Variants in ERC1 observed in about 807,000 individuals in gnomAD.
The protein encoded by ERC1 is RAB6 interacting protein 2.
In ERC1, 56 loss-of-function variants were observed where a neutral mutation model predicts 132.0. The observed-to-expected ratio is 0.42, with a 90% CI of 0.34 to 0.53. ERC1 has a LOEUF of 0.53. Among genes scored for constraint, ERC1 ranks in the 20% least tolerant of loss-of-function variants. The pLI is 0.03. For synonymous variants in ERC1, 478 were observed against 476.1 expected, an observed-to-expected ratio of 1.00 and a Z score of -0.05; for missense variants, 1,202 against 1,349.9, an observed-to-expected ratio of 0.89 and a Z score of 1.72.
At chr12:1,062,032 C>G (rs1938078821) in intron 2 of ERC1, among the ~76,000 whole-genome samples, 1 of 145,798 alleles carries the variant, frequency 6.9e-6, no homozygotes, top group Non-Finnish European at 1.5e-5. Flanking sequence ...GCTCTGTCAC[C>G]CAGGCTGGAG....
intron 1 of ERC1, 130 bp from the exon 2 acceptor site, chr12:1,027,618 T>C (rs1278437648): frequency 5.1e-6 from 2 of 389,926 alleles, no homozygotes; most frequent in Non-Finnish European, 9.3e-6. Context: ...TATGCTGTAA[T>C]CACATTCTGA....
Position 996,965 on chromosome 12 carries a change from C to G in ERC1, c.-157+5643C>G, listed in dbSNP as rs568718908. Among the ~76,000 whole-genome samples, 21 of 152,256 alleles carry G rather than the reference C, an allele frequency of 1.4e-4. No individual in the cohort carries two copies. In the East Asian group the frequency reaches 2.7e-3, roughly 20 times the overall value. On this transcript the variant is annotated intron_variant, in intron 1 of 18. Transcript: ENST00000360905. Reference sequence around the variant, plus strand: ...GAAGGGTCTTGGTCTGTTACTCAGTCTGAAATGCGATGGTGCGGTTATAGC... The same window carrying G: ...GAAGGGTCTTGGTCTGTTACTCAGTGTGAAATGCGATGGTGCGGTTATAGC...
chr12:1,400,828 CTACTATT>C (rs2090957347), intron 16 of ERC1, among the ~76,000 whole-genome samples: 1 of 149,956 alleles, frequency 6.7e-6, no homozygotes, highest in South Asian at 2.1e-4. Flanking sequence ...GTAGGTAAAC[CTACTATT>C]TACTGTAGGA....
chr12:1,262,388 A>G (rs2077198144), intron 13 of ERC1, among the ~76,000 whole-genome samples: 1 of 152,180 alleles, frequency 6.6e-6, no homozygotes. Context: ...GTAGAACATC[A>G]GGGCTGGGAA....
intron 2 of ERC1, among the ~76,000 whole-genome samples, chr12:1,053,629 T>G (rs773260633): frequency 4.5e-4 from 69 of 152,194 alleles, no homozygotes; most frequent in African/African-American, 9.6e-5. Flanking sequence ...TTGACACACT[T>G]GTTTATTTTC....
intron 17 of ERC1, among the ~76,000 whole-genome samples, chr12:1,413,756 G>C (rs1457067967): frequency 6.6e-6 from 1 of 152,174 alleles, no homozygotes; most frequent in African/African-American, 2.4e-5. Context: ...TTGAATAAAT[G>C]TCTATATTGT....
intron 16 of ERC1, among the ~76,000 whole-genome samples, chr12:1,397,060 A>C (rs986648152): frequency 6.6e-6 from 1 of 152,200 alleles, no homozygotes; most frequent in African/African-American, 2.4e-5. Flanking sequence ...CTACCTGAAG[A>C]TCACAAAGAA....
chr12:1,226,242 A>T (rs371692994), intron 12 of ERC1, among the ~76,000 whole-genome samples: 7 of 152,336 alleles, frequency 4.6e-5, no homozygotes, highest in African/African-American at 1.7e-4. Context: ...CATCTGTGTC[A>T]TTAATTCATG....
chr12:1,464,721 C>T (rs1398397330), intron 18 of ERC1, among the ~76,000 whole-genome samples: 1 of 151,500 alleles, frequency 6.6e-6, no homozygotes, highest in Non-Finnish European at 1.5e-5. Flanking sequence ...AGGGTTTCAC[C>T]GTGTTAGCCA....
intron 12 of ERC1, chr12:1,190,255 T>G: frequency 1.4e-6 from 1 of 715,712 alleles, no homozygotes; most frequent in Non-Finnish European, 2.6e-6. Flanking sequence ...TGGGAATAAA[T>G]TGGGAAGCTA....
chr12:1,092,359 G>T (rs1943359969), intron 3 of ERC1, among the ~76,000 whole-genome samples: 1 of 151,872 alleles, frequency 6.6e-6, no homozygotes, highest in African/African-American at 2.4e-5. Flanking sequence ...TGAGTTAAGT[G>T]TTAACACTTG....
At position 1,418,666 on chromosome 12, in the gene ERC1, TTTTCTTTCTTTCTTTCTTTCTTTC is replaced by T. The variant is rs202159587; in HGVS notation, c.3024+10455_3024+10478del. 3.5e-3 allele frequency among the ~76,000 whole-genome samples: 303 copies of T among 86,796 alleles called. 6 individuals carry two copies. Among genetic ancestry groups the T allele is most frequent in the African/African-American group, 0.012 (232 of 19,624 alleles). The allele number at this position is 86,796 out of a possible 152,430, so 56.9% of individuals were successfully genotyped here. A position where few individuals can be genotyped will look rare whatever the true frequency, so the allele number is the denominator to read the frequency against. ...TTCTCTCTCTCTCTCTCTCTCTTTC[TTTTCTTTCTTTCTTTCTTTCTTTC>T]TTTCTTTCTTTCTTTCTTTCTTTCT... On this transcript the variant is annotated intron_variant, in intron 17 of 18. Coordinates refer to ENST00000360905, the MANE Select transcript of ERC1 (RefSeq NM_178040.4).
chr12:1,077,511 T>C (rs1482367156), intron 2 of ERC1, among the ~76,000 whole-genome samples: 3 of 152,214 alleles, frequency 2.0e-5, no homozygotes, highest in Admixed American at 6.5e-5. Flanking sequence ...TTCATTGAGA[T>C]ATAGCTTGGT....
intron 8 of ERC1, among the ~76,000 whole-genome samples, chr12:1,161,278 G>T (rs941158688): frequency 6.6e-6 from 1 of 152,202 alleles, no homozygotes; most frequent in African/African-American, 2.4e-5. Flanking sequence ...GTCTGAGGAA[G>T]TCTTAGGAGC....
chr12:1,461,304 A>G (rs1278720181), intron 18 of ERC1, among the ~76,000 whole-genome samples: 1 of 152,192 alleles, frequency 6.6e-6, no homozygotes, highest in Non-Finnish European at 1.5e-5. Flanking sequence ...TATTTTTGAA[A>G]GTGCAGCTTT....
intron 2 of ERC1, among the ~76,000 whole-genome samples, chr12:1,033,818 C>T (rs753723464): frequency 1.2e-4 from 18 of 152,028 alleles, no homozygotes; most frequent in African/African-American, 2.9e-4. Context: ...TTAGTAGAGA[C>T]GGGATTTTGC....
At chr12:1,293,894 T>C (rs982470868) in intron 15 of ERC1, among the ~76,000 whole-genome samples, 7 of 152,176 alleles carry the variant, frequency 4.6e-5, no homozygotes, top group African/African-American at 1.7e-4. Flanking sequence ...GGACTTTTAG[T>C]GGACTTGGAA....
At chr12:1,072,400 G>A (rs1940552714) in intron 2 of ERC1, among the ~76,000 whole-genome samples, 1 of 152,116 alleles carries the variant, frequency 6.6e-6, no homozygotes, top group African/African-American at 2.4e-5. Context: ...GTAATCTTTT[G>A]TAATGTTTAC....
rs964615206 is a variant in ERC1, at chr12:1,399,625, A to G, written c.2926-8524A>G. On this transcript the variant is annotated intron_variant, in intron 16 of 18. Transcript: ENST00000360905. ...GATTTGCCTATTCTGGAGATTTCAT[A>G]TAAGTGAAATAATATACTATGTTGC... Among the ~76,000 whole-genome samples, 3 of 152,188 alleles carry G rather than the reference A, an allele frequency of 2.0e-5. 1 individual carries two copies. Among genetic ancestry groups the G allele is most frequent in the South Asian group, 4.1e-4 (2 of 4,832 alleles).
Sources: allele counts gnomAD v4.1 joint callset (sites outside exome capture counted in the v4.1 genomes callset), GRCh38; gene constraint gnomAD v4.1.1; transcripts MANE v1.5; gene names NCBI Gene and HGNC (gene_info 2026-07-23, HGNC 2026-07-21).